MATCAP2: variants seen among roughly 807,000 people sequenced by gnomAD.
MATCAP2 encodes putative tyrosine carboxypeptidase MATCAP2.
the MATCAP2 span, chr7:36,326,950 A>G: frequency 2.5e-5 from 40 of 1,587,102 alleles, no homozygotes; most frequent in Admixed American, 1.6e-4. Context: ...TAAATTAAAA[A>G]TGTAACTACA....
At chr7:36,351,545 C>A in the MATCAP2 span, among the ~76,000 whole-genome samples, 420 of 152,142 alleles carry the variant, frequency 2.8e-3, no homozygotes, top group Admixed American at 4.8e-3. Flanking sequence ...GCAGAATGAC[C>A]GCCAAATAAG....
At chr7:36,380,975 T>C in the MATCAP2 span, among the ~76,000 whole-genome samples, 2 of 152,144 alleles carry the variant, frequency 1.3e-5, no homozygotes, top group African/African-American at 4.8e-5. Context: ...AACTCCCTTT[T>C]TTCTTGGCCT....
chr7:36,383,258 T>C, the MATCAP2 span, among the ~76,000 whole-genome samples: 1 of 152,218 alleles, frequency 6.6e-6, no homozygotes, highest in African/African-American at 2.4e-5. Context: ...GTTTCTTCAT[T>C]ATAATAAATG....
the MATCAP2 span, chr7:36,356,864 C>T: frequency 6.8e-7 from 1 of 1,471,000 alleles, no homozygotes; most frequent in Non-Finnish European, 9.5e-7. Flanking sequence ...TGTTTTAGTA[C>T]ATAAAAATGA....
the MATCAP2 span, among the ~76,000 whole-genome samples, chr7:36,382,096 C>T: frequency 4.6e-5 from 7 of 151,660 alleles, no homozygotes; most frequent in African/African-American, 1.7e-4. Flanking sequence ...AGTTCAAGAC[C>T]AGCCTGGCCA....
the MATCAP2 span, chr7:36,367,319 G>A: frequency 3.0e-6 from 3 of 1,008,784 alleles, no homozygotes; most frequent in Non-Finnish European, 3.5e-6. Context: ...AGGCCCGCGG[G>A]CGGCGAGAGA....
chr7:36,327,647 C>T, the MATCAP2 span, among the ~76,000 whole-genome samples: 1 of 152,208 alleles, frequency 6.6e-6, no homozygotes, highest in Non-Finnish European at 1.5e-5. Flanking sequence ...CACAATTATA[C>T]AGGGTGAGCA....
chr7:36,361,672 C>T, the MATCAP2 span, among the ~76,000 whole-genome samples: 17 of 152,274 alleles, frequency 1.1e-4, no homozygotes, highest in African/African-American at 4.1e-4. Context: ...TGGAAGACTA[C>T]TTGAACCCAG....
the MATCAP2 span, among the ~76,000 whole-genome samples, chr7:36,371,520 T>C: frequency 6.6e-6 from 1 of 152,174 alleles, no homozygotes; most frequent in Non-Finnish European, 1.5e-5. Context: ...GATGGAGTTT[T>C]GGTATTAAAA....
At chr7:36,382,619 A>G in the MATCAP2 span, among the ~76,000 whole-genome samples, 1 of 152,032 alleles carries the variant, frequency 6.6e-6, no homozygotes, top group Non-Finnish European at 1.5e-5. Context: ...CAGCCTTCCA[A>G]GTAGCTGGGA....
the MATCAP2 span, chr7:36,357,304 C>T: frequency 6.2e-7 from 1 of 1,614,168 alleles, no homozygotes; most frequent in Non-Finnish European, 8.5e-7. Context: ...TCACAGGCAC[C>T]AGGGCTTTCA....
At chr7:36,365,533 C>T in the MATCAP2 span, among the ~76,000 whole-genome samples, 14 of 152,180 alleles carry the variant, frequency 9.2e-5, no homozygotes, top group Admixed American at 3.3e-4. Flanking sequence ...AACCCTGTCT[C>T]TATTAAAAAT....
chr7:36,376,709 T>G, the MATCAP2 span, among the ~76,000 whole-genome samples: 1 of 152,164 alleles, frequency 6.6e-6, no homozygotes, highest in African/African-American at 2.4e-5. Context: ...TCTCCCATTA[T>G]TATTGTGTGG....
At chr7:36,343,777 A>C in the MATCAP2 span, among the ~76,000 whole-genome samples, 1 of 151,860 alleles carries the variant, frequency 6.6e-6, no homozygotes, top group Non-Finnish European at 1.5e-5. Context: ...AAAGGTCAAA[A>C]TGAGAGGGAA....
the MATCAP2 span, among the ~76,000 whole-genome samples, chr7:36,365,569 A>T: frequency 6.6e-6 from 1 of 152,168 alleles, no homozygotes. Flanking sequence ...GCGTGGTAGC[A>T]TGCGTCTGTA....
chr7:36,354,637 T>TTG, the MATCAP2 span, among the ~76,000 whole-genome samples: 384 of 152,364 alleles, frequency 2.5e-3, 1 homozygote, highest in African/African-American at 9.0e-3. Context: ...ATCATGTCAT[T>TTG]ATTCACTCGG....
At chr7:36,375,809 A>C in the MATCAP2 span, among the ~76,000 whole-genome samples, 1 of 152,112 alleles carries the variant, frequency 6.6e-6, no homozygotes, top group Non-Finnish European at 1.5e-5. Context: ...TTCCTGGTTT[A>C]GTCTTGGGAG....
chr7:36,335,635 C>G, the MATCAP2 span, among the ~76,000 whole-genome samples: 1 of 152,166 alleles, frequency 6.6e-6, no homozygotes, highest in South Asian at 2.1e-4. Flanking sequence ...ACAAGTTATA[C>G]AGAAATGGCA....
At chr7:36,352,675 T>C in the MATCAP2 span, among the ~76,000 whole-genome samples, 1 of 151,512 alleles carries the variant, frequency 6.6e-6, no homozygotes, top group Non-Finnish European at 1.5e-5. Context: ...TTACTAAAAA[T>C]ACAAAAATTA....
Sources: gnomAD v4.1 joint callset for allele counts (sites outside exome capture counted in the v4.1 genomes callset) on GRCh38, gnomAD v4.1.1 for gene constraint, MANE v1.5 for transcripts, NCBI Gene and HGNC (gene_info 2026-07-23, HGNC 2026-07-21) for gene names.